The following SNX25 variants were observed in gnomAD, a reference collection of about 807,000 sequenced individuals.
The protein encoded by SNX25 is sorting nexin 25, also known as sorting nexin-25.
SNX25 carries 62 observed loss-of-function variants against 113.7 expected under a neutral mutation model. The ratio of observed to expected loss-of-function variants is 0.55; its 90% CI spans 0.44 to 0.67. SNX25 has a LOEUF of 0.67. SNX25 is among the 30% of genes least tolerant of loss of function. The pLI, the probability that SNX25 is intolerant of heterozygous loss-of-function variation, is 0.00. For synonymous variants in SNX25, 421 were observed against 436.2 expected, an observed-to-expected ratio of 0.97 and a Z score of 0.43; for missense variants, 1,014 against 1,161.0, an observed-to-expected ratio of 0.87 and a Z score of 1.84.
At chr4:185,368,240 C>T (rs976710266), downstream of SNX25, among the ~76,000 whole-genome samples, 1 of 152,180 alleles carries the variant, frequency 6.6e-6, no homozygotes, top group East Asian at 1.9e-4. Flanking sequence ...CCAGAATCCT[C>T]GAAGGGTCCT....
chr4:185,300,421 A>G (rs1357366664), intron 6 of SNX25, among the ~76,000 whole-genome samples: 1 of 150,010 alleles, frequency 6.7e-6, no homozygotes, highest in South Asian at 2.1e-4. Context: ...CACCCGCCTC[A>G]GCCTCCCAAA....
chr4:185,219,181 G>C (rs905702812), intron 1 of SNX25, among the ~76,000 whole-genome samples: 3 of 152,132 alleles, frequency 2.0e-5, no homozygotes, highest in Non-Finnish European at 1.5e-5. Flanking sequence ...TCCGTCTTTC[G>C]GGGTTTATCT....
At chr4:185,291,276 T>G (rs564826725) in intron 6 of SNX25, among the ~76,000 whole-genome samples, 38 of 152,312 alleles carry the variant, frequency 2.5e-4, no homozygotes, top group Admixed American at 8.5e-4. Context: ...ACATTCATAC[T>G]GTTCTGTAGC....
intron 10 of SNX25, among the ~76,000 whole-genome samples, chr4:185,336,027 A>T (rs1325412060): frequency 6.6e-6 from 1 of 152,198 alleles, no homozygotes; most frequent in Admixed American, 6.5e-5. Flanking sequence ...CTGTCCTCAA[A>T]CTACAGAGTT....
chr4:185,321,512 G>A (rs569657954), intron 8 of SNX25, among the ~76,000 whole-genome samples: 30 of 152,114 alleles, frequency 2.0e-4, no homozygotes, highest in South Asian at 1.0e-3. Context: ...ATCTGTCCAC[G>A]TGGGCCTCCC....
chr4:185,235,277 T>C (rs750564981), intron 1 of SNX25, among the ~76,000 whole-genome samples: 1 of 152,248 alleles, frequency 6.6e-6, no homozygotes, highest in Non-Finnish European at 1.5e-5. Context: ...TCTATGTTCA[T>C]GTGAGGTAAA....
intron 6 of SNX25, among the ~76,000 whole-genome samples, chr4:185,294,995 G>T (rs1752657472): frequency 6.6e-6 from 1 of 152,064 alleles, no homozygotes; most frequent in African/African-American, 2.4e-5. Context: ...TTATAGAATG[G>T]TTCTAGATAG....
At chr4:185,292,181 G>GCCTTCATGT (rs1752264078) in intron 6 of SNX25, among the ~76,000 whole-genome samples, 1 of 152,128 alleles carries the variant, frequency 6.6e-6, no homozygotes, top group Non-Finnish European at 1.5e-5. Flanking sequence ...GGTAGTTCCA[G>GCCTTCATGT]CCAGCACATG....
At chr4:185,350,262 G>A (rs899481479) in intron 13 of SNX25, among the ~76,000 whole-genome samples, 1 of 152,176 alleles carries the variant, frequency 6.6e-6, no homozygotes, top group Non-Finnish European at 1.5e-5. Context: ...TGCCATCATG[G>A]ACCAACCCCT....
the SNX25 span, chr4:185,378,193 T>C: frequency 1.2e-6 from 2 of 1,613,600 alleles, no homozygotes; most frequent in South Asian, 1.1e-5. Flanking sequence ...TCATCCTTTT[T>C]CTGCAATGTG....
chr4:185,241,766 C>T (rs1012938496), intron 1 of SNX25, among the ~76,000 whole-genome samples: 3 of 152,082 alleles, frequency 2.0e-5, no homozygotes, highest in African/African-American at 4.8e-5. Context: ...GCAAAGTACA[C>T]GTATTTTTCT....
chr4:185,261,255 G>T (rs1294843033), intron 3 of SNX25, among the ~76,000 whole-genome samples: 1 of 152,060 alleles, frequency 6.6e-6, no homozygotes, highest in East Asian at 1.9e-4. Context: ...TTGGCTCACT[G>T]CAACCTCCGC....
At chr4:185,239,245 G>T (rs1235623400) in intron 1 of SNX25, among the ~76,000 whole-genome samples, 7 of 117,600 alleles carry the variant, frequency 6.0e-5, no homozygotes, top group South Asian at 2.8e-4. Flanking sequence ...ACTTTGGGAG[G>T]CCAAGGCGGG....
intron 8 of SNX25, among the ~76,000 whole-genome samples, chr4:185,322,407 G>A (rs1331623061): frequency 6.6e-6 from 1 of 152,160 alleles, no homozygotes; most frequent in Non-Finnish European, 1.5e-5. Context: ...ACTCCAGCCT[G>A]GGCGACAGCA....
chr4:185,320,562 C>G (rs558585733), intron 7 of SNX25, among the ~76,000 whole-genome samples, 171 bp from the exon 8 acceptor site: 13 of 151,616 alleles, frequency 8.6e-5, no homozygotes, highest in South Asian at 2.1e-4. Context: ...TGTAACAAAC[C>G]TGTACATTTA....
chr4:185,297,153 C>T (rs1191188097), intron 6 of SNX25, among the ~76,000 whole-genome samples: 2 of 152,092 alleles, frequency 1.3e-5, no homozygotes, highest in African/African-American at 2.4e-5. Flanking sequence ...ATTTTATACC[C>T]GTGCTGCCTA....
intron 6 of SNX25, among the ~76,000 whole-genome samples, chr4:185,309,540 G>C (rs144367988): frequency 7.2e-5 from 11 of 151,986 alleles, no homozygotes; most frequent in Admixed American, 5.2e-4. Flanking sequence ...TTAGTAATTG[G>C]CCCCACCATC....
At chr4:185,247,710 A>G (rs1448166856) in intron 2 of SNX25, among the ~76,000 whole-genome samples, 4 of 151,994 alleles carry the variant, frequency 2.6e-5, no homozygotes, top group African/African-American at 4.8e-5. Context: ...TAGAGAAGCT[A>G]TGTTGGGATA....
At chr4:185,215,154 G>A (rs924903229) in intron 1 of SNX25, among the ~76,000 whole-genome samples, 4 of 152,072 alleles carry the variant, frequency 2.6e-5, no homozygotes, top group South Asian at 2.1e-4. Flanking sequence ...GCGTGAACCC[G>A]GGAGGCGGAG....
Sources: gnomAD v4.1 joint callset for allele counts (sites outside exome capture counted in the v4.1 genomes callset) on GRCh38, gnomAD v4.1.1 for gene constraint, MANE v1.5 for transcripts, NCBI Gene and HGNC (gene_info 2026-07-23, HGNC 2026-07-21) for gene names.